Variants in ERBB4 observed in about 807,000 individuals in gnomAD.
ERBB4 encodes the protein receptor tyrosine-protein kinase erbB-4.
In ERBB4, 42 loss-of-function variants were observed where a neutral mutation model predicts 158.0. The ratio of observed to expected loss-of-function variants is 0.27; its 90% CI spans 0.21 to 0.34. ERBB4 has a LOEUF of 0.34. ERBB4 is among the 10% of genes least tolerant of loss of function. The pLI, the probability that ERBB4 is intolerant of heterozygous loss-of-function variation, is 1.00. For synonymous variants in ERBB4, 583 were observed against 558.7 expected, an observed-to-expected ratio of 1.04 and a Z score of -0.61; for missense variants, 1,333 against 1,624.1, an observed-to-expected ratio of 0.82 and a Z score of 3.08.
At chr2:211,917,319 A>G (rs2125068790) in intron 3 of ERBB4, among the ~76,000 whole-genome samples, 1 of 152,022 alleles carries the variant, frequency 6.6e-6, no homozygotes, top group South Asian at 2.1e-4. Context: ...GAGATATGGA[A>G]AAAAAAATGA....
At chr2:211,389,722 G>A (rs1025205240) in intron 25 of ERBB4, among the ~76,000 whole-genome samples, 1 of 152,122 alleles carries the variant, frequency 6.6e-6, no homozygotes, top group African/African-American at 2.4e-5. Flanking sequence ...GATAAGTGGT[G>A]TGAATTTGGT....
At chr2:212,255,636 A>G (rs1286566105) in intron 1 of ERBB4, among the ~76,000 whole-genome samples, 3 of 152,000 alleles carry the variant, frequency 2.0e-5, no homozygotes, top group African/African-American at 7.2e-5. Context: ...CATTATATAC[A>G]CTTACTGGTA....
intron 1 of ERBB4, among the ~76,000 whole-genome samples, chr2:212,244,176 T>C (rs746768749): frequency 6.6e-6 from 1 of 152,118 alleles, no homozygotes; most frequent in South Asian, 2.1e-4. Context: ...TTAACAAAAA[T>C]AATTTTTCAT....
intron 1 of ERBB4, among the ~76,000 whole-genome samples, chr2:212,276,949 G>T (rs1200653490): frequency 2.0e-5 from 3 of 151,770 alleles, no homozygotes; most frequent in African/African-American, 7.3e-5. Flanking sequence ...AAGAGAAACG[G>T]TGAACCGGCA....
At chr2:212,363,567 G>T (rs992332683) in intron 1 of ERBB4, among the ~76,000 whole-genome samples, 2 of 151,182 alleles carry the variant, frequency 1.3e-5, no homozygotes, top group African/African-American at 4.8e-5. Flanking sequence ...ATAAACTGCA[G>T]CCAGATATCT....
chr2:211,387,277 T>G, intron 26 of ERBB4, 127 bp from the exon 27 acceptor site: 1 of 819,696 alleles, frequency 1.2e-6, no homozygotes, highest in Non-Finnish European at 2.1e-6. Context: ...ACTGGTTTTT[T>G]TTCCCCTAGT....
At chr2:211,890,712 T>G (rs960003435) in intron 3 of ERBB4, among the ~76,000 whole-genome samples, 2 of 134,666 alleles carry the variant, frequency 1.5e-5, no homozygotes, top group African/African-American at 6.1e-5. Context: ...TGGAGGAAGA[T>G]CTACCAAGCA....
chr2:212,072,433 C>T (rs1032474581), intron 2 of ERBB4, among the ~76,000 whole-genome samples: 1 of 151,928 alleles, frequency 6.6e-6, no homozygotes, highest in African/African-American at 2.4e-5. Flanking sequence ...AATCTCTCTG[C>T]ATCCACAACA....
chr2:212,325,532 T>A (rs1018495336), intron 1 of ERBB4, among the ~76,000 whole-genome samples: 1 of 150,868 alleles, frequency 6.6e-6, no homozygotes, highest in Non-Finnish European at 1.5e-5. Context: ...TTCTAGGCTA[T>A]GTTTTTCTTT....
chr2:212,234,130 C>T (rs1313663030), intron 1 of ERBB4, among the ~76,000 whole-genome samples: 1 of 152,080 alleles, frequency 6.6e-6, no homozygotes, highest in Non-Finnish European at 1.5e-5. Context: ...CATCCCTCCC[C>T]TAGCCCCTCA....
At chr2:212,324,443 C>T (rs969032343) in intron 1 of ERBB4, among the ~76,000 whole-genome samples, 2 of 147,326 alleles carry the variant, frequency 1.4e-5, no homozygotes, top group African/African-American at 2.5e-5. Context: ...GAGAGTATAA[C>T]GAAACCATGA....
At chr2:212,018,764 C>T (rs1035747137) in intron 2 of ERBB4, among the ~76,000 whole-genome samples, 9 of 152,064 alleles carry the variant, frequency 5.9e-5, no homozygotes, top group Non-Finnish European at 1.0e-4. Context: ...ATATTTTCCT[C>T]CTGATTTTCA....
Position 211,411,058 on chromosome 2 carries a change from G to A in ERBB4, c.3135+9383C>T, listed in dbSNP as rs571827626. 6.0e-4 allele frequency among the ~76,000 whole-genome samples: 91 copies of A among 152,168 alleles called. No homozygotes were observed. The Middle Eastern group carries it at 0.02, about 34-fold the overall frequency. On this transcript the variant is annotated intron_variant, in intron 25 of 27. Coordinates refer to ENST00000342788, the MANE Select transcript of ERBB4 (RefSeq NM_005235.3). ...TGAGTAGCTGGGATTATAGGCATGC[G>A]CCGCTACACCCAGGTAATTTTTGTA...
chr2:211,692,605 G>A (rs1340686481), intron 12 of ERBB4, among the ~76,000 whole-genome samples: 1 of 152,074 alleles, frequency 6.6e-6, no homozygotes, highest in East Asian at 1.9e-4. Flanking sequence ...TTTGGCGTTG[G>A]CTTGCAGTGA....
intron 16 of ERBB4, among the ~76,000 whole-genome samples, chr2:211,651,495 C>T (rs1226699128): frequency 6.6e-6 from 1 of 152,106 alleles, no homozygotes; most frequent in Non-Finnish European, 1.5e-5. Flanking sequence ...AATTCTAACC[C>T]AGGTGCTGAT....
intron 1 of ERBB4, among the ~76,000 whole-genome samples, chr2:212,373,012 T>C (rs1482874721): frequency 6.6e-6 from 1 of 152,122 alleles, no homozygotes; most frequent in African/African-American, 2.4e-5. Flanking sequence ...TAGAAGAAAC[T>C]TCCAAAGTTA....
chr2:211,705,595 T>C (rs1389956764), intron 9 of ERBB4, among the ~76,000 whole-genome samples: 1 of 152,188 alleles, frequency 6.6e-6, no homozygotes, highest in East Asian at 1.9e-4. Flanking sequence ...AATATGAGAT[T>C]TTCATCAAAG....
chr2:212,239,299 T>C (rs1208354794), intron 1 of ERBB4, among the ~76,000 whole-genome samples: 2 of 152,202 alleles, frequency 1.3e-5, no homozygotes, highest in East Asian at 1.9e-4. Context: ...TGTCTCAGCA[T>C]CCTGAGTAGG....
chr2:211,582,865 A>G (rs2125775153), intron 19 of ERBB4, among the ~76,000 whole-genome samples: 1 of 152,264 alleles, frequency 6.6e-6, no homozygotes, highest in South Asian at 2.1e-4. Context: ...GTTCTTCCAA[A>G]CCAATTTCAG....
Sources: allele counts gnomAD v4.1 joint callset (sites outside exome capture counted in the v4.1 genomes callset), GRCh38; gene constraint gnomAD v4.1.1; transcripts MANE v1.5; gene names NCBI Gene and HGNC (gene_info 2026-07-23, HGNC 2026-07-21).